Variants in CDC73 observed in about 807,000 individuals in gnomAD.
CDC73 encodes cell division cycle 73.
In CDC73, 21 loss-of-function variants were observed where a neutral mutation model predicts 83.7. The ratio of observed to expected loss-of-function variants is 0.25; its 90% CI spans 0.18 to 0.36. CDC73 has a LOEUF of 0.36. Ranked by LOEUF, CDC73 falls within the 10% of genes least tolerant of loss-of-function variation. The pLI, the probability that CDC73 is intolerant of heterozygous loss-of-function variation, is 1.00. For synonymous variants in CDC73, 224 were observed against 212.9 expected, an observed-to-expected ratio of 1.05 and a Z score of -0.45; for missense variants, 342 against 653.3, an observed-to-expected ratio of 0.52 and a Z score of 5.19.
intron 13 of CDC73, among the ~76,000 whole-genome samples, chr1:193,224,576 CAT>C (rs1223515109): frequency 4.0e-5 from 6 of 151,786 alleles, no homozygotes; most frequent in African/African-American, 7.3e-5. Context: ...CACATATACA[CAT>C]ATATGAAATA....
chr1:193,228,277 A>G (rs1408830), intron 13 of CDC73, among the ~76,000 whole-genome samples: 94,809 of 151,932 alleles, frequency 0.62, 30,035 homozygotes, highest in South Asian at 0.77. Context: ...GGCAATTCCT[A>G]GTTTCATCAG....
intron 13 of CDC73, among the ~76,000 whole-genome samples, chr1:193,222,225 C>G (rs973455214): frequency 6.6e-6 from 1 of 152,146 alleles, no homozygotes; most frequent in African/African-American, 2.4e-5. Context: ...TTGGCAGCCA[C>G]ATGGGGCCGA....
intron 10 of CDC73, among the ~76,000 whole-genome samples, chr1:193,198,337 A>G (rs1289216467): frequency 6.6e-6 from 1 of 152,228 alleles, no homozygotes; most frequent in Admixed American, 6.5e-5. Flanking sequence ...GAAAGTGATT[A>G]AGTCATGAGG....
intron 10 of CDC73, among the ~76,000 whole-genome samples, chr1:193,156,614 T>C (rs986366128): frequency 1.3e-5 from 2 of 152,112 alleles, no homozygotes; most frequent in African/African-American, 2.4e-5. Flanking sequence ...AACACATACA[T>C]AGCACTCTCC....
chr1:193,205,204 C>CA (rs1357811031), intron 11 of CDC73, among the ~76,000 whole-genome samples: 1 of 122,382 alleles, frequency 8.2e-6, no homozygotes, highest in South Asian at 2.9e-4. Context: ...GTCCCCCCCC[C>CA]CCCCTTTTTT....
intron 10 of CDC73, chr1:193,180,255 A>G: frequency 6.6e-7 from 1 of 1,506,650 alleles, no homozygotes. Context: ...GCTTTTAGCA[A>G]TATTTACAAA....
rs200382043 is a variant in CDC73 at position 193,122,192 on chromosome 1, G to A, written c.-9G>A. 1.2e-6 allele frequency: 2 copies of A among 1,612,992 alleles called. No homozygotes were observed. The highest frequency in any genetic ancestry group is 2.7e-5 in the African/African-American group (2 of 74,900). On this transcript the variant is annotated 5_prime_UTR_variant, in exon 1 of 17. Transcript: ENST00000367435. The stretch of plus-strand genomic sequence containing the variant: ...GCGCCCCGAGCCGGCGGAGGCGAGG[G>A]GGGGGAAGATGGCGGACGTGCTTAG...
intron 11 of CDC73, among the ~76,000 whole-genome samples, chr1:193,204,213 ATAT>A: frequency 6.8e-5 from 1 of 14,756 alleles, no homozygotes; most frequent in South Asian, 3.1e-3. Flanking sequence ...ACGTGTATAT[ATAT>A]GTATATATAT....
intron 10 of CDC73, among the ~76,000 whole-genome samples, chr1:193,177,269 A>G (rs1676621502): frequency 6.9e-6 from 1 of 145,298 alleles, no homozygotes. Flanking sequence ...CAAGCCTGTA[A>G]TCCCAGCACT....
At chr1:193,243,373 G>A (rs144500886) in intron 15 of CDC73, among the ~76,000 whole-genome samples, 3 of 152,194 alleles carry the variant, frequency 2.0e-5, no homozygotes, top group African/African-American at 7.2e-5. Context: ...AAGTATGAGT[G>A]AAACTTTATA....
chr1:193,157,301 A>G (rs950961660), intron 10 of CDC73, among the ~76,000 whole-genome samples: 1 of 152,204 alleles, frequency 6.6e-6, no homozygotes, highest in Non-Finnish European at 1.5e-5. Flanking sequence ...ATTACATTAC[A>G]TTGCACTAAC....
chr1:193,218,034 T>C (rs1417491985), intron 13 of CDC73, among the ~76,000 whole-genome samples: 1 of 152,160 alleles, frequency 6.6e-6, no homozygotes, highest in African/African-American at 2.4e-5. Context: ...TTCCTAGCAC[T>C]GATAAACAAG....
At chr1:193,129,568 G>A (rs571231889) in intron 2 of CDC73, among the ~76,000 whole-genome samples, 1 of 151,604 alleles carries the variant, frequency 6.6e-6, no homozygotes, top group African/African-American at 2.4e-5. Context: ...GTGCAGTGGT[G>A]CAGTCTCGGC....
intron 15 of CDC73, among the ~76,000 whole-genome samples, chr1:193,237,316 C>G (rs765578496): frequency 3.8e-4 from 57 of 151,736 alleles, no homozygotes; most frequent in Non-Finnish European, 1.3e-4. Flanking sequence ...CTTCTGTTAC[C>G]TTCATTCATT....
At chr1:193,210,109 A>C (rs941847185) in intron 11 of CDC73, among the ~76,000 whole-genome samples, 5 of 152,182 alleles carry the variant, frequency 3.3e-5, no homozygotes, top group African/African-American at 1.2e-4. Flanking sequence ...TTTTCTCAGC[A>C]AGAAGAAAGA....
At chr1:193,249,079 G>C (rs185078300) in intron 15 of CDC73, among the ~76,000 whole-genome samples, 3 of 152,024 alleles carry the variant, frequency 2.0e-5, no homozygotes, top group Admixed American at 6.6e-5. Flanking sequence ...GAAAGGCAGA[G>C]TCAATCAGTG....
Sources: gnomAD v4.1 joint callset for allele counts (sites outside exome capture counted in the v4.1 genomes callset) on GRCh38, gnomAD v4.1.1 for gene constraint, MANE v1.5 for transcripts, NCBI Gene and HGNC (gene_info 2026-07-23, HGNC 2026-07-21) for gene names.